The following CTNS variants were observed in gnomAD, a reference collection of about 807,000 sequenced individuals.
CTNS encodes cystinosin, lysosomal cystine transporter.
Under a neutral mutation model 43.7 loss-of-function variants are expected in CTNS, and 27 were observed. The ratio of observed to expected loss-of-function variants is 0.62; its 90% CI spans 0.46 to 0.85. The LOEUF (loss-of-function observed/expected upper bound fraction) is 0.85, where lower values mean the gene tolerates loss of function less well. Among genes scored for constraint, CTNS ranks in the 40% least tolerant of loss-of-function variants. The pLI, the probability that CTNS is intolerant of heterozygous loss-of-function variation, is 0.00. For synonymous variants in CTNS, 187 were observed against 190.6 expected, an observed-to-expected ratio of 0.98 and a Z score of 0.16; for missense variants, 457 against 475.4, an observed-to-expected ratio of 0.96 and a Z score of 0.36.
At chr17:3,660,029 C>A in intron 11 of CTNS, 54 bp downstream of exon 11, 1 of 1,527,326 alleles carries the variant, frequency 6.5e-7, no homozygotes, top group Non-Finnish European at 9.1e-7. Context: ...TCGGGCGGGG[C>A]CAGCCTTCCC....
chr17:3,648,687 C>T (rs180853507), intron 4 of CTNS, among the ~76,000 whole-genome samples, 160 bp from the exon 5 acceptor site: 95 of 152,330 alleles, frequency 6.2e-4, no homozygotes, highest in African/African-American at 1.9e-3. Flanking sequence ...GGAAGGCCTA[C>T]GGGAGCACGA....
chr17:3,650,406 CAGGAACTCA>C, intron 5 of CTNS: 1 of 1,508,670 alleles, frequency 6.6e-7, no homozygotes, highest in African/African-American at 1.4e-5. Context: ...CACTTGAGCC[CAGGAACTCA>C]AGGCTGCAGT....
rs1180991341 is a variant in CTNS, at chr17:3,661,246, G to C, written c.*877G>C. 1 of 193,828 alleles carries C rather than the reference G, an allele frequency of 5.2e-6. No homozygotes were observed. Among genetic ancestry groups the C allele is most frequent in the African/African-American group, 2.3e-5 (1 of 42,686 alleles). The allele number at this position is 193,828 out of a possible 1,614,324, so 12.0% of individuals were successfully genotyped here. Reference sequence around the variant, plus strand: ...ACCAGCTCCCCTGGAGCGAGGGCAGGCCCCTTCCCTCTCTTTCCCCAGACA... The same window carrying C: ...ACCAGCTCCCCTGGAGCGAGGGCAGCCCCCTTCCCTCTCTTTCCCCAGACA... On this transcript the variant is annotated 3_prime_UTR_variant, in exon 12 of 12. Coordinates refer to ENST00000046640, the MANE Select transcript of CTNS (RefSeq NM_004937.3).
At position 3,637,135 on chromosome 17, in the gene CTNS, T is replaced by G. The variant is rs1052975634; in HGVS notation, c.-201T>G. 1 of 152,264 alleles carries G rather than the reference T, an allele frequency of 6.6e-6. No individual in the cohort carries two copies. Among genetic ancestry groups the G allele is most frequent in the African/African-American group, 2.4e-5 (1 of 41,434 alleles). 9.4% of individuals were successfully genotyped at this position (152,264 alleles called of 1,614,324 possible). ...GCTTTGGAGACGCTGAGAGAACCTT[T>G]GCGAGAGCGCCGGTTGACGTGCGGA... On this transcript the variant is annotated 5_prime_UTR_variant, in exon 2 of 12. Transcript: ENST00000046640.
rs1252160181 is a variant in CTNS at position 3,659,914 on chromosome 17, C to T, written c.909C>T (p.Leu303=). ...AGGGCTGGAGCATTGGCAACGTGCT[C>T]CTGGACTTCACCGGGGGCAGCTTCA... The part of the protein sequence containing the change: ...STEGWSIGNV[L]LDFTGGSFSL... The change falls in exon 11 of 12, where the codon CTC becomes CTT. Residue 303 remains leucine (L), a synonymous_variant. Coordinates refer to ENST00000046640, the MANE Select transcript of CTNS (RefSeq NM_004937.3). 8 of 1,614,006 alleles carry T rather than the reference C, an allele frequency of 5.0e-6. No individual in the cohort carries two copies. Among genetic ancestry groups the T allele is most frequent in the Middle Eastern group, 3.3e-4 (2 of 6,036 alleles).
chr17:3,645,197 G>A (rs1304052990), intron 3 of CTNS, among the ~76,000 whole-genome samples: 1 of 152,202 alleles, frequency 6.6e-6, no homozygotes, highest in Non-Finnish European at 1.5e-5. Context: ...GGGCAGACTC[G>A]CCACAGCGGC....
At position 3,660,774 on chromosome 17, in the gene CTNS, G is replaced by A. The variant is rs760273; in HGVS notation, c.*405G>A. ...GAGCCAAGGGCACTTTGCTGCCACC[G>A]CTGCATTCCCAGAGATCAAGCAGCC... is the stretch of plus-strand genomic sequence containing the variant. On this transcript the variant is annotated 3_prime_UTR_variant, in exon 12 of 12. Coordinates refer to ENST00000046640, the MANE Select transcript of CTNS (RefSeq NM_004937.3). 0.21 allele frequency: 344,307 copies of A among 1,611,352 alleles called. 37,683 individuals are homozygous for A. Among genetic ancestry groups the A allele is most frequent in the East Asian group, 0.24 (10,889 of 44,810 alleles).
chr17:3,654,136 A>G (rs2076061173), intron 5 of CTNS, among the ~76,000 whole-genome samples: 2 of 152,206 alleles, frequency 1.3e-5, no homozygotes, highest in Non-Finnish European at 2.9e-5. Flanking sequence ...ATTGTAGTAT[A>G]GCAGTGGCCC....
At chr17:3,655,381 C>G (rs2076103877) in intron 7 of CTNS, 29 bp downstream of exon 7, 1 of 1,613,306 alleles carries the variant, frequency 6.2e-7, no homozygotes, top group Non-Finnish European at 8.5e-7. Context: ...TGTGCAGGCT[C>G]TCTCGGGGCC....
In CTNS at chr17:3,662,503, C is replaced by CCTT. The variant is rs892688361; in HGVS notation, c.*2135_*2137dup. Among the ~76,000 whole-genome samples, 3 of 152,046 alleles carry CCTT rather than the reference C, an allele frequency of 2.0e-5. No homozygotes were observed. The highest frequency in any genetic ancestry group is 7.2e-5 in the African/African-American group (3 of 41,400). Reference sequence around the variant, plus strand: ...TCCCTCGCTGGGATACACGGAGTGCCCTTATAGGCAGGGAGTCTTATAGGC... The same window carrying CCTT: ...TCCCTCGCTGGGATACACGGAGTGCCCTTCTTATAGGCAGGGAGTCTTATAGGC... On this transcript the variant is annotated 3_prime_UTR_variant, in exon 12 of 12. Transcript: ENST00000046640.
intron 9 of CTNS, 91 bp from the exon 10 acceptor site, chr17:3,657,913 CT>C: frequency 6.7e-7 from 1 of 1,495,340 alleles, no homozygotes; most frequent in South Asian, 1.1e-5. Flanking sequence ...CTCCGTGCCC[CT>C]CTCTAAGCCC....
chr17:3,643,041 G>A (rs1255197387), intron 3 of CTNS, among the ~76,000 whole-genome samples: 1 of 152,176 alleles, frequency 6.6e-6, no homozygotes. Context: ...TCGGCCTGGC[G>A]CGTTGGCTCA....
At chr17:3,641,506 C>T (rs1428030096) in intron 3 of CTNS, among the ~76,000 whole-genome samples, 1 of 148,518 alleles carries the variant, frequency 6.7e-6, no homozygotes, top group Non-Finnish European at 1.5e-5. Flanking sequence ...ATTCTCCTGC[C>T]TCAGCCTCCC....
chr17:3,655,788 T>G (rs534320687), intron 7 of CTNS: 205 of 254,120 alleles, frequency 8.1e-4, no homozygotes, highest in African/African-American at 4.5e-3. Flanking sequence ...GCCTCCTGGG[T>G]GATGGCAAGC....
rs189023251 is a variant in CTNS, at chr17:3,642,799, G to A, written c.61+2532G>A. On this transcript the variant is annotated intron_variant, in intron 3 of 11. Coordinates refer to ENST00000046640, the MANE Select transcript of CTNS (RefSeq NM_004937.3). ...TTCTTTCTTCTCTTTGCTTTGGGTA[G>A]TAATTATGAAGGACCACAGATGAGA... Among the ~76,000 whole-genome samples the A allele has an allele frequency of 3.6e-3, 548 of 152,302 alleles. 3 individuals are homozygous for A. The highest frequency in any genetic ancestry group is 0.014 in the Middle Eastern group (4 of 294).
At chr17:3,656,966 C>T (rs1417656148) in intron 9 of CTNS, 171 bp downstream of exon 9, 2 of 1,067,456 alleles carry the variant, frequency 1.9e-6, no homozygotes, top group East Asian at 5.3e-5. Flanking sequence ...CAGAGCCCCC[C>T]AAGTCTGGGG....
At chr17:3,654,466 G>A (rs1225887691) in intron 5 of CTNS, among the ~76,000 whole-genome samples, 1 of 152,116 alleles carries the variant, frequency 6.6e-6, no homozygotes, top group East Asian at 1.9e-4. Context: ...CTGAGGTCAG[G>A]AGTTCGAGAC....
At chr17:3,640,340 TTTG>T in intron 3 of CTNS, 73 bp downstream of exon 3, 1 of 1,461,284 alleles carries the variant, frequency 6.8e-7, no homozygotes, top group East Asian at 2.3e-5. Context: ...ATCTGATCTG[TTTG>T]TTGCCAAGGG....
Position 3,658,018 on chromosome 17 carries a change from G to GC in CTNS, c.696dup (p.Val233ArgfsTer63), listed in dbSNP as rs113994209. 1.2e-5 allele frequency: 20 copies of GC among 1,610,178 alleles called. No homozygotes were observed. The highest frequency in any genetic ancestry group is 1.7e-5 in the Non-Finnish European group (20 of 1,179,926). ...TCTCGCCCCCAGCGCGGTGGCCAGC[G>GC]CGTGTCCTGGCCTGCCATCGGCTTC... On this transcript the variant is annotated frameshift_variant, in exon 10 of 12. Transcript: ENST00000046640. LOFTEE classifies it high-confidence loss of function.
Sources: allele counts gnomAD v4.1 joint callset (sites outside exome capture counted in the v4.1 genomes callset), GRCh38; gene constraint gnomAD v4.1.1; transcripts MANE v1.5; gene names NCBI Gene and HGNC (gene_info 2026-07-23, HGNC 2026-07-21).